SYNE1: variants seen among roughly 807,000 people sequenced by gnomAD.
SYNE1 encodes spectrin repeat containing nuclear envelope protein 1, also known as nesprin-1.
SYNE1 carries 616 observed loss-of-function variants against 1,111.0 expected under a neutral mutation model. The observed-to-expected ratio is 0.55, with a 90% CI of 0.52 to 0.59. The LOEUF is 0.59. Ranked by LOEUF, SYNE1 falls within the 20% of genes least tolerant of loss-of-function variation. SYNE1 has a pLI of 0.00. For synonymous variants in SYNE1, 3,855 were observed against 3,825.8 expected, an observed-to-expected ratio of 1.01 and a Z score of -0.28; for missense variants, 10,006 against 10,417.0, an observed-to-expected ratio of 0.96 and a Z score of 1.72.
rs1386579162 is a variant in SYNE1 at position 152,309,878 on chromosome 6, C to G, written c.17159G>C (p.Ser5720Thr). Residue 5720 changes from serine (S) to threonine (T), a missense_variant, in exon 90 of 146, where the codon AGC (serine) becomes ACC (threonine). By Grantham distance (58) the Ser-to-Thr change is moderately conservative. Around this residue, in one of 7 missense-constraint regions of SYNE1, gnomAD observed 4,955 missense variants for 5,017.2 expected, o/e 0.99. Coordinates refer to ENST00000367255, the MANE Select transcript of SYNE1 (RefSeq NM_182961.4). ...HAALRLQEEA[S>T]RLQHTAIQQC... ...CTGGATGGCGGTGTGCTGCAGCCGG[C>G]TGGCCTCTTCCTGCAGCCGCAGAGC... 5.6e-6 allele frequency: 9 copies of G among 1,613,942 alleles called. No individual in the cohort carries two copies. Among genetic ancestry groups the G allele is most frequent in the African/African-American group, 1.3e-5 (1 of 74,926 alleles).
At chr6:152,578,536 G>A (rs1386488177) in intron 3 of SYNE1, among the ~76,000 whole-genome samples, 1 of 152,224 alleles carries the variant, frequency 6.6e-6, no homozygotes, top group East Asian at 1.9e-4. Context: ...AGAGGTTGCA[G>A]TGAGCAGAGA....
rs150237093 is a variant in SYNE1 at position 152,498,335 on chromosome 6, C to T, written c.939+407G>A. Among the ~76,000 whole-genome samples, 11 of 152,284 alleles carry T rather than the reference C, an allele frequency of 7.2e-5. No homozygotes were observed. In the East Asian group the frequency reaches 1.7e-3, roughly 24 times the overall value. On this transcript the variant is annotated intron_variant, in intron 11 of 145. Transcript: ENST00000367255. ...AGGAAACTCAGACTGACAAGCTGAT[C>T]GAATACTTACCTTGTTCATTGATTC... is the stretch of plus-strand genomic sequence containing the variant.
At chr6:152,434,301 T>G in intron 33 of SYNE1, 1 of 257,778 alleles carries the variant, frequency 3.9e-6, no homozygotes, top group Non-Finnish European at 7.5e-6. Flanking sequence ...CAGAAAAGAT[T>G]TCAGTGTACA....
intron 33 of SYNE1, chr6:152,435,692 T>A: frequency 3.5e-6 from 2 of 572,930 alleles, no homozygotes; most frequent in Non-Finnish European, 6.1e-6. Flanking sequence ...AGAATAGATA[T>A]GGCTTTCTCA....
intron 112 of SYNE1, among the ~76,000 whole-genome samples, chr6:152,233,525 G>T (rs1233129142): frequency 6.6e-6 from 1 of 151,986 alleles, no homozygotes; most frequent in African/African-American, 2.4e-5. Flanking sequence ...GGGTTTCACC[G>T]TGTTGCCCAG....
At chr6:152,631,046 A>G (rs1328978958) in intron 2 of SYNE1, among the ~76,000 whole-genome samples, 1 of 152,224 alleles carries the variant, frequency 6.6e-6, no homozygotes, top group Admixed American at 6.5e-5. Context: ...CACAGAGACT[A>G]TTTTTGAAGA....
In SYNE1 at chr6:152,433,861, T is replaced by C. The variant is rs1321800965; in HGVS notation, c.4395A>G (p.Lys1465=). ...FETLSVWITE[K]EKELNALETS... ...TTTCCAAGGCATTGAGTTCTTTTTC[T>C]TTCTCAGTTATCCAGACGGACAGAG... The change falls in exon 34 of 146, where the codon AAA becomes AAG. Residue 1465 remains lysine, a synonymous_variant. Transcript: ENST00000367255. The C allele has an allele frequency of 6.2e-7, 1 of 1,613,938 alleles. No individual in the cohort carries two copies. The highest frequency in any genetic ancestry group is 1.1e-5 in the South Asian group (1 of 91,078).
At chr6:152,472,775 T>A in intron 14 of SYNE1, 1 of 624,290 alleles carries the variant, frequency 1.6e-6, no homozygotes, top group South Asian at 1.9e-5. Context: ...TTTAAAAGCT[T>A]AAAACTGAGC....
At chr6:152,575,633 A>C (rs2099493355) in intron 3 of SYNE1, among the ~76,000 whole-genome samples, 2 of 152,254 alleles carry the variant, frequency 1.3e-5, no homozygotes, top group Admixed American at 6.5e-5. Context: ...CAACATAAAT[A>C]AACATGATCT....
At position 152,149,480 on chromosome 6, in the gene SYNE1, C is replaced by T. The variant is rs750402669; in HGVS notation, c.24639G>A (p.Leu8213=). 1.9e-6 allele frequency: 3 copies of T among 1,614,082 alleles called. No homozygotes were observed. The highest frequency in any genetic ancestry group is 1.1e-5 in the South Asian group (1 of 91,090). The change falls in exon 136 of 146, where the codon CTG becomes CTA. Residue 8213 remains leucine, a synonymous_variant. Transcript: ENST00000367255. ...VERYHKKLIR[L]PLPDDEHDLS... ...TAAGAAAATCAATGTTACATACAGG[C>T]AGGCGGATCAGTTTCTTATGGTATC...
At chr6:152,509,290 G>A (rs1187835434) in intron 8 of SYNE1, among the ~76,000 whole-genome samples, 5 of 122,558 alleles carry the variant, frequency 4.1e-5, no homozygotes, top group Non-Finnish European at 7.9e-5. Context: ...TAGCTCTGTC[G>A]CTCAGACTGG....
intron 15 of SYNE1, 195 bp from the exon 16 acceptor site, chr6:152,471,960 G>C (rs1024129425): frequency 4.8e-6 from 3 of 628,520 alleles, no homozygotes; most frequent in Admixed American, 2.9e-5. Flanking sequence ...TGAAGTCTTC[G>C]ATTTAGTTCT....
rs2096236125 is a variant in SYNE1 at position 152,331,034 on chromosome 6, T to C, written c.13651A>G (p.Ser4551Gly). The C allele has an allele frequency of 6.2e-7, 1 of 1,614,166 alleles. No homozygotes were observed. The highest frequency in any genetic ancestry group is 8.5e-7 in the Non-Finnish European group (1 of 1,180,036). ...SVYDSVLQKCSHRLQELEKNL... is the reference protein window; with the variant it reads ...SVYDSVLQKCGHRLQELEKNL... The stretch of plus-strand genomic sequence containing the variant: ...TTCTCTAGTTCTTGTAACCGGTGAC[T>C]GCACTTTTGTAAAACACTGTCATAG... Residue 4551 changes from serine to glycine, a missense_variant, in exon 78 of 146, where the codon AGT becomes GGT. This residue lies in a region of SYNE1 where 4,955 missense variants were observed against 5,017.2 expected (regional missense o/e 0.99). Coordinates refer to ENST00000367255, the MANE Select transcript of SYNE1 (RefSeq NM_182961.4).
chr6:152,629,522 C>G (rs1281097353), intron 2 of SYNE1, among the ~76,000 whole-genome samples: 1 of 6,138 alleles, frequency 1.6e-4, no homozygotes. Context: ...GTTTCATTGC[C>G]GGGGGGGGGG....
Position 152,379,814 on chromosome 6 carries a change from T to G in SYNE1, c.9009+1192A>C. On this transcript the variant is annotated intron_variant, in intron 56 of 145. Coordinates refer to ENST00000367255, the MANE Select transcript of SYNE1 (RefSeq NM_182961.4). Reference sequence around the variant, plus strand: ...AGGCCTCAACCATTATTTTTACTAATAATATCAACGTAAAAATAATGAACA... The same window carrying G: ...AGGCCTCAACCATTATTTTTACTAAGAATATCAACGTAAAAATAATGAACA... Among the ~76,000 whole-genome samples, 2 of 152,278 alleles carry G rather than the reference T, an allele frequency of 1.3e-5. 1 individual carries two copies. The highest frequency in any genetic ancestry group is 4.1e-4 in the South Asian group (2 of 4,830).
chr6:152,606,976 C>CTTTTTTTTTTTTTTTTTTTTTT lies in SYNE1; in HGVS notation c.67+21288_67+21289insAAAAAAAAAAAAAAAAAAAAAA, dbSNP rs11387272. Among the ~76,000 whole-genome samples the CTTTTTTTTTTTTTTTTTTTTTT allele has an allele frequency of 1.1e-4, 12 of 109,098 alleles. 1 individual carries two copies. The highest frequency in any genetic ancestry group is 4.5e-4 in the African/African-American group (12 of 26,768). The allele number at this position is 109,098 out of a possible 152,430, so 71.6% of individuals were successfully genotyped here. On this transcript the variant is annotated intron_variant, in intron 3 of 145. Coordinates refer to ENST00000367255, the MANE Select transcript of SYNE1 (RefSeq NM_182961.4). ...GCAAAAGGAAAGGCATGCCTCGGTT[C>CTTTTTTTTTTTTTTTTTTTTTT]TCTTTTTTTTTTTTTTTTTTTTTTT...
rs1447189471 is a variant in SYNE1, at chr6:152,572,481, A to C, written c.68-32460T>G. Among the ~76,000 whole-genome samples the C allele has an allele frequency of 8.5e-5, 13 of 152,254 alleles. No homozygotes were observed. The East Asian group carries it at 1.7e-3, about 20-fold the overall frequency. On this transcript the variant is annotated intron_variant, in intron 3 of 145. Transcript: ENST00000367255. ...GATTGGAAGAGCTTCAAAGCCAATA[A>C]ACAGAATAAGGGGACTCCCAGAATA...
chr6:152,495,550 TACCTGCTCCACCCTGACTCATTTCAATC>T (rs1180478258), intron 11 of SYNE1, among the ~76,000 whole-genome samples: 9 of 152,166 alleles, frequency 5.9e-5, no homozygotes, highest in African/African-American at 2.2e-4. Flanking sequence ...CTTTTTCAAT[TACCTGCTCCACCCTGACTCATTTCAATC>T]ACCTGCTCCA....
chr6:152,187,728 T>TGAGA (rs200143003), intron 128 of SYNE1, among the ~76,000 whole-genome samples: 285 of 150,988 alleles, frequency 1.9e-3, no homozygotes, highest in African/African-American at 6.3e-3. Context: ...TTTGTGTGTG[T>TGAGA]GAGAGAGAGA....
Sources: gnomAD v4.1 joint callset for allele counts (sites outside exome capture counted in the v4.1 genomes callset) on GRCh38, gnomAD v4.1.1 for gene constraint, gnomAD v4.1.1 regional missense constraint, MANE v1.5 for transcripts, NCBI Gene and HGNC (gene_info 2026-07-23, HGNC 2026-07-21) for gene names.